Variants in CCDC7 observed in about 807,000 individuals in gnomAD.
CCDC7 encodes coiled-coil domain containing 7.
Under a neutral mutation model 196.9 loss-of-function variants are expected in CCDC7, and 183 were observed. The ratio of observed to expected loss-of-function variants is 0.93; its 90% confidence interval spans 0.82 to 1.05. The LOEUF is 1.05. CCDC7 is among the 50% of genes least tolerant of loss of function. The probability of loss-of-function intolerance (pLI) is 0.00; values close to 1 mark genes in which losing one functional copy is unlikely to be tolerated. For missense variants in CCDC7, 1,540 were observed against 1,482.2 expected, an observed-to-expected ratio of 1.04 and a Z score of -0.64; for synonymous variants, 525 against 484.6, an observed-to-expected ratio of 1.08 and a Z score of -1.10.
chr10:32,701,152 G>T (rs548137417), intron 24 of CCDC7, among the ~76,000 whole-genome samples: 14 of 152,232 alleles, frequency 9.2e-5, no homozygotes, highest in East Asian at 1.9e-4. Context: ...AAGGGAATGC[G>T]TCCAGTTTTT....
At chr10:32,796,042 A>G (rs1202787739) in intron 29 of CCDC7, among the ~76,000 whole-genome samples, 1 of 152,104 alleles carries the variant, frequency 6.6e-6, no homozygotes, top group Non-Finnish European at 1.5e-5. Context: ...AGCAGTTTTG[A>G]GGGCTAAGGA....
At chr10:32,701,774 A>C (rs1227737643) in intron 24 of CCDC7, among the ~76,000 whole-genome samples, 1 of 151,972 alleles carries the variant, frequency 6.6e-6, no homozygotes, top group Non-Finnish European at 1.5e-5. Context: ...GAATTTATCC[A>C]TTTCTTCTAG....
At chr10:32,528,278 TAGGTTTTTGGGGAAC>T (rs2048978541) in intron 11 of CCDC7, among the ~76,000 whole-genome samples, 1 of 151,916 alleles carries the variant, frequency 6.6e-6, no homozygotes, top group Non-Finnish European at 1.5e-5. Context: ...TAAATTGTAA[TAGGTTTTTGGGGAAC>T]AGGTTTTTGG....
At chr10:32,450,560 G>A (rs776400358), upstream of CCDC7, among the ~76,000 whole-genome samples, 2 of 152,046 alleles carry the variant, frequency 1.3e-5, no homozygotes, top group South Asian at 2.1e-4. Flanking sequence ...CAATTCCCAC[G>A]GTTAGGCATA....
intron 18 of CCDC7, among the ~76,000 whole-genome samples, chr10:32,594,347 G>A: frequency 6.6e-6 from 1 of 152,134 alleles, no homozygotes; most frequent in Non-Finnish European, 1.5e-5. Flanking sequence ...TTGGCTCCCT[G>A]TTTGTCTGTT....
At chr10:32,559,317 C>T (rs1389178844) in intron 13 of CCDC7, among the ~76,000 whole-genome samples, 1 of 152,196 alleles carries the variant, frequency 6.6e-6, no homozygotes, top group Non-Finnish European at 1.5e-5. Context: ...TTGAAGAGAG[C>T]AGTGGTTCTC....
chr10:32,598,268 A>G (rs1278174126), intron 18 of CCDC7, among the ~76,000 whole-genome samples: 1 of 152,176 alleles, frequency 6.6e-6, no homozygotes, highest in Non-Finnish European at 1.5e-5. Flanking sequence ...TGTGCTAGCA[A>G]TGAGTGAGGC....
chr10:32,676,656 A>G (rs1312951856), intron 21 of CCDC7, among the ~76,000 whole-genome samples: 1 of 152,154 alleles, frequency 6.6e-6, no homozygotes, highest in African/African-American at 2.4e-5. Flanking sequence ...AATGCAAATC[A>G]AAACCACAAT....
intron 13 of CCDC7, among the ~76,000 whole-genome samples, chr10:32,559,340 T>TG: frequency 6.6e-6 from 1 of 152,340 alleles, no homozygotes; most frequent in South Asian, 2.1e-4. Flanking sequence ...AGCACGCAGC[T>TG]GGAGATCTGA....
chr10:32,703,723 C>G lies in CCDC7; in HGVS notation c.2459-7897C>G, dbSNP rs539166365. 3.3e-5 allele frequency among the ~76,000 whole-genome samples: 5 copies of G among 152,050 alleles called. No homozygotes were observed. The East Asian group carries it at 9.6e-4, about 29-fold the overall frequency. ...GAGTCTTTGTTCATTTCTTTTTATT[C>G]TTTTTTCTCTAAACTTCTCTTCTCA... On this transcript the variant is annotated intron_variant, in intron 24 of 41. Transcript: ENST00000639629.
intron 18 of CCDC7, 147 bp from the exon 20 acceptor site, chr10:32,634,107 G>A: frequency 2.7e-6 from 1 of 376,860 alleles, no homozygotes; most frequent in Non-Finnish European, 4.7e-6. Flanking sequence ...CAATTTTCAT[G>A]TGAGATCTAT....
intron 29 of CCDC7, among the ~76,000 whole-genome samples, chr10:32,782,055 T>G (rs1041347007): frequency 6.6e-6 from 1 of 152,056 alleles, no homozygotes; most frequent in African/African-American, 2.4e-5. Flanking sequence ...ACAGTTCCAT[T>G]TACAATGGCA....
intron 28 of CCDC7, among the ~76,000 whole-genome samples, chr10:32,749,413 TTAAAC>T (rs1390562462): frequency 1.3e-5 from 2 of 152,186 alleles, no homozygotes; most frequent in Non-Finnish European, 2.9e-5. Context: ...TTTTAATAAT[TTAAAC>T]TTTTTTCTAA....
chr10:32,786,455 G>C (rs1044822781), intron 29 of CCDC7, among the ~76,000 whole-genome samples: 1 of 152,172 alleles, frequency 6.6e-6, no homozygotes, highest in African/African-American at 2.4e-5. Context: ...ACTTACTAGA[G>C]AGACTTTAAA....
At chr10:32,874,603 A>C (rs981795575) in intron 41 of CCDC7, among the ~76,000 whole-genome samples, 1 of 151,682 alleles carries the variant, frequency 6.6e-6, no homozygotes, top group Non-Finnish European at 1.5e-5. Flanking sequence ...TTGCTGCAAA[A>C]GACATTATTT....
intron 24 of CCDC7, among the ~76,000 whole-genome samples, chr10:32,696,347 C>T (rs939105103): frequency 3.3e-5 from 5 of 152,060 alleles, no homozygotes; most frequent in Non-Finnish European, 5.9e-5. Context: ...GGATCACAGT[C>T]GCCTGTGCAC....
At chr10:32,646,185 G>A (rs1253791952) in intron 20 of CCDC7, among the ~76,000 whole-genome samples, 1 of 141,492 alleles carries the variant, frequency 7.1e-6, no homozygotes, top group African/African-American at 2.6e-5. Context: ...TTATTTTAGG[G>A]CCATTTTTCC....
chr10:32,544,340 A>G lies in CCDC7; in HGVS notation c.1134+39A>G, dbSNP rs774977076. ...TCTCTCTATGCATCAATATTTGATT[A>G]ATACTTGCTCTGATAGTCATATATA... On this transcript the variant is annotated intron_variant, in intron 13 of 41. Coordinates refer to ENST00000639629, the Ensembl canonical transcript of CCDC7. 1.9e-6 allele frequency: 3 copies of G among 1,577,746 alleles called. No individual in the cohort carries two copies. The Admixed American group carries it at 5.3e-5, about 28-fold the overall frequency.
chr10:32,857,843 G>T (rs751398374), intron 41 of CCDC7, among the ~76,000 whole-genome samples: 1 of 151,630 alleles, frequency 6.6e-6, no homozygotes, highest in Non-Finnish European at 1.5e-5. Context: ...ACCAAGAGTT[G>T]CTTTTTTTGA....
Sources: allele counts gnomAD v4.1 joint callset (sites outside exome capture counted in the v4.1 genomes callset), GRCh38; gene constraint gnomAD v4.1.1; transcripts MANE v1.5; gene names NCBI Gene and HGNC (gene_info 2026-07-23, HGNC 2026-07-21).